Variants in MYO10 observed in about 807,000 individuals in gnomAD.
MYO10 encodes myosin X, also known as unconventional myosin-X.
In MYO10, 133 loss-of-function variants were observed where a neutral mutation model predicts 257.3. The ratio of observed to expected loss-of-function variants is 0.52; its 90% CI spans 0.45 to 0.60. The LOEUF is 0.60. Among genes scored for constraint, MYO10 ranks in the 20% least tolerant of loss-of-function variants. The pLI is 0.00. For synonymous variants in MYO10, 1,104 were observed against 1,028.6 expected (o/e 1.07, Z -1.40); for missense variants, 2,399 against 2,635.7 (o/e 0.91, Z 1.97).
rs77571489 is a variant in MYO10, at chr5:16,702,126, G to A, written c.2557-288C>T. On this transcript the variant is annotated intron_variant, in intron 24 of 40. Transcript: ENST00000513610. ...CTAGGTCACACAGAGAAAAAAGGCT[G>A]CGTGAGGACACACTGGACAGACGGC... 3.3e-4 allele frequency among the ~76,000 whole-genome samples: 51 copies of A among 152,324 alleles called. 1 individual carries two copies. The East Asian group carries it at 8.9e-3, about 27-fold the overall frequency.
At position 16,751,100 on chromosome 5, in the gene MYO10, G is replaced by A. The variant is rs571273287; in HGVS notation, c.1929+3728C>T. 3.0e-4 allele frequency among the ~76,000 whole-genome samples: 45 copies of A among 152,148 alleles called. 1 individual carries two copies. The highest frequency in any genetic ancestry group is 8.2e-4 in the African/African-American group (34 of 41,490). On this transcript the variant is annotated intron_variant, in intron 19 of 40. Coordinates refer to ENST00000513610, the MANE Select transcript of MYO10 (RefSeq NM_012334.3). Reference sequence around the variant, plus strand: ...CCTAAATACACACATATTTGAATACGATCTCCCAAGTCCTTCGGTGGACTG... The same window carrying A: ...CCTAAATACACACATATTTGAATACAATCTCCCAAGTCCTTCGGTGGACTG...
At position 16,783,325 on chromosome 5, in the gene MYO10, C is replaced by CAAAA. The variant is rs1474936792; in HGVS notation, c.602+9_602+10insTTTT. The stretch of plus-strand genomic sequence containing the variant: ...TCCTATTAGTTGGAAACAAGAAAAT[C>CAAAA]AATAAATACCTGCTTTCAAGAATAG... On this transcript the variant is annotated intron_variant, in intron 5 of 40. Transcript: ENST00000513610. The CAAAA allele has an allele frequency of 7.1e-7, 1 of 1,408,786 alleles. No individual in the cohort carries two copies. Among genetic ancestry groups the CAAAA allele is most frequent in the Admixed American group, 2.4e-5 (1 of 42,480 alleles). The allele number at this position is 1,408,786 out of a possible 1,614,324, so 87.3% of individuals were successfully genotyped here. A position where few individuals can be genotyped will look rare whatever the true frequency, so the allele number is the denominator to read the frequency against.
chr5:16,732,859 C>T (rs1285516926), intron 19 of MYO10, among the ~76,000 whole-genome samples: 1 of 152,158 alleles, frequency 6.6e-6, no homozygotes, highest in Non-Finnish European at 1.5e-5. Context: ...AAGAGCTGAG[C>T]GCGGTGGCTC....
intron 2 of MYO10, among the ~76,000 whole-genome samples, chr5:16,847,282 G>A (rs1343716210): frequency 1.3e-5 from 2 of 151,994 alleles, no homozygotes; most frequent in Non-Finnish European, 2.9e-5. Context: ...AAATTAGCTG[G>A]GCATGGTGGC....
chr5:16,803,117 T>G (rs1742169926), intron 3 of MYO10, among the ~76,000 whole-genome samples: 1 of 151,162 alleles, frequency 6.6e-6, no homozygotes, highest in Non-Finnish European at 1.5e-5. Context: ...TTAAAAAAAT[T>G]TAAAAAAAAA....
chr5:16,790,856 C>T (rs1214590622), intron 4 of MYO10, among the ~76,000 whole-genome samples: 1 of 151,748 alleles, frequency 6.6e-6, no homozygotes. Context: ...AAGTCAAACA[C>T]TGACCTTATG....
chr5:16,806,874 TAAC>T (rs1030454862), intron 3 of MYO10, among the ~76,000 whole-genome samples: 1 of 152,136 alleles, frequency 6.6e-6, no homozygotes, highest in Non-Finnish European at 1.5e-5. Context: ...TTCTGATCAG[TAAC>T]AACAAGGGAT....
At chr5:16,758,928 ATT>A (rs35536554) in intron 17 of MYO10, among the ~76,000 whole-genome samples, 1 of 148,414 alleles carries the variant, frequency 6.7e-6, no homozygotes, top group Admixed American at 6.8e-5. Context: ...CTTCCCAATA[ATT>A]TTTTTTTTTT....
chr5:16,877,206 A>G (rs548373270), intron 2 of MYO10, among the ~76,000 whole-genome samples: 9 of 152,364 alleles, frequency 5.9e-5, no homozygotes, highest in African/African-American at 1.9e-4. Flanking sequence ...TGACTAAGAC[A>G]CTACGAAAGT....
intron 1 of MYO10, among the ~76,000 whole-genome samples, chr5:16,897,468 C>A (rs1478661245): frequency 6.6e-6 from 1 of 152,176 alleles, no homozygotes; most frequent in African/African-American, 2.4e-5. Flanking sequence ...GATGAACCCA[C>A]GTAAAAATCT....
chr5:16,701,039 G>T lies in MYO10; in HGVS notation c.3356C>A (p.Pro1119His). 1 of 1,564,538 alleles carries T rather than the reference G, an allele frequency of 6.4e-7. No homozygotes were observed. Among genetic ancestry groups the T allele is most frequent in the Non-Finnish European group, 8.7e-7 (1 of 1,154,866 alleles). The change falls in exon 25 of 41, where the codon CCC (proline) becomes CAC (histidine). Residue 1119 changes from proline (P) to histidine (H), a missense_variant. By Grantham distance (77) the Pro-to-His change is moderately conservative. Transcript: ENST00000513610. This position sits in a 1 kb window ranked among gnomAD's most constrained non-coding sequence, Gnocchi z 8.1. ...GGTCCCCACAGAGCAGCGGTAGTCG[G>T]GGGACCACTGGCTGCCGTAGGAGTT... ...FSNSYGSQWS[P>H]DYRCSVGTYN...
rs116163126 is a variant in MYO10, at chr5:16,690,936, G to T, written c.3801-1017C>A. ...ATAGTAATACGTTTGATGAAGAAGG[G>T]TTTGGGGCATAAAGCCAGCTTGCTC... On this transcript the variant is annotated intron_variant, in intron 27 of 40. Transcript: ENST00000513610. 4.6e-5 allele frequency among the ~76,000 whole-genome samples: 7 copies of T among 152,200 alleles called. No individual in the cohort carries two copies. The East Asian group carries it at 1.4e-3, about 29-fold the overall frequency.
intron 2 of MYO10, among the ~76,000 whole-genome samples, chr5:16,858,441 T>TAAAAAAAA (rs56792705): frequency 1.6e-4 from 22 of 135,302 alleles, no homozygotes; most frequent in African/African-American, 4.3e-4. Context: ...GCTACTTTTG[T>TAAAAAAAA]AAAAAAAAAA....
intron 11 of MYO10, among the ~76,000 whole-genome samples, chr5:16,765,484 A>G (rs868510427): frequency 6.6e-6 from 1 of 152,314 alleles, no homozygotes; most frequent in South Asian, 2.1e-4. Context: ...TCCCCTTTAT[A>G]TCTATCAATC....
chr5:16,761,707 G>A (rs1740718525), intron 16 of MYO10, among the ~76,000 whole-genome samples, 161 bp from the exon 17 acceptor site: 1 of 152,126 alleles, frequency 6.6e-6, no homozygotes, highest in Admixed American at 6.5e-5. Flanking sequence ...CTGAAGTGCA[G>A]TGACGTGATC....
chr5:16,707,762 G>A (rs1387745156), intron 21 of MYO10, among the ~76,000 whole-genome samples: 1 of 152,174 alleles, frequency 6.6e-6, no homozygotes, highest in Non-Finnish European at 1.5e-5. Flanking sequence ...TCCTCCCCAC[G>A]GGCTGTGCCG....
intron 1 of MYO10, among the ~76,000 whole-genome samples, chr5:16,893,361 C>A (rs964638841): frequency 1.3e-4 from 20 of 152,068 alleles, no homozygotes; most frequent in Non-Finnish European, 2.8e-4. Context: ...CTGCTGGGCA[C>A]CATGGCTCAC....
rs551908246 is a variant in MYO10 at position 16,756,346 on chromosome 5, A to T, written c.1849-1438T>A. 2.0e-3 allele frequency among the ~76,000 whole-genome samples: 304 copies of T among 152,290 alleles called. 1 individual carries two copies. Among genetic ancestry groups the T allele is most frequent in the African/African-American group, 7.1e-3 (296 of 41,560 alleles). Reference sequence around the variant, plus strand: ...CTCCTAAAGTGCTGGGATTACAGGCATGTGTCACCATGCCCAGCCCATAAA... The same window carrying T: ...CTCCTAAAGTGCTGGGATTACAGGCTTGTGTCACCATGCCCAGCCCATAAA... On this transcript the variant is annotated intron_variant, in intron 18 of 40. Transcript: ENST00000513610.
chr5:16,911,695 G>A (rs565415106), intron 1 of MYO10, among the ~76,000 whole-genome samples: 1 of 152,158 alleles, frequency 6.6e-6, no homozygotes, highest in South Asian at 2.1e-4. Flanking sequence ...TCGCACCACT[G>A]CACTCCATCC....
Sources: allele counts gnomAD v4.1 joint callset (sites outside exome capture counted in the v4.1 genomes callset), GRCh38; gene constraint gnomAD v4.1.1; non-coding constraint Gnocchi (gnomAD v3.1); transcripts MANE v1.5; gene names NCBI Gene and HGNC (gene_info 2026-07-23, HGNC 2026-07-21).